The following NCLN variants were observed in gnomAD, a reference collection of about 807,000 sequenced individuals.
NCLN encodes the protein nicalin.
Under a neutral mutation model 69.5 loss-of-function variants are expected in NCLN, and 34 were observed. The observed-to-expected ratio is 0.49, with a 90% CI of 0.37 to 0.65. NCLN has a LOEUF of 0.65. Among genes scored for constraint, NCLN ranks in the 30% least tolerant of loss-of-function variants. NCLN has a pLI of 0.00. For missense variants in NCLN, 710 were observed against 804.8 expected (o/e 0.88, Z 1.42); for synonymous variants, 393 against 358.3 (o/e 1.10, Z -1.09).
At chr19:3,195,208 C>T (rs1450629089) in intron 3 of NCLN, among the ~76,000 whole-genome samples, 2 of 151,610 alleles carry the variant, frequency 1.3e-5, no homozygotes, top group Non-Finnish European at 2.9e-5. Context: ...ACAGAGAGTT[C>T]CCAGGAGCAT....
chr19:3,190,824 G>A (rs899127802), intron 1 of NCLN, among the ~76,000 whole-genome samples: 1 of 152,136 alleles, frequency 6.6e-6, no homozygotes, highest in African/African-American at 2.4e-5. Context: ...CTTGTGCAGC[G>A]CTGAGATGTT....
intron 1 of NCLN, among the ~76,000 whole-genome samples, chr19:3,188,597 A>G: frequency 6.6e-6 from 1 of 151,880 alleles, no homozygotes; most frequent in Non-Finnish European, 1.5e-5. Context: ...CTTTGCCCAC[A>G]ATCCTGGGTT....
intron 12 of NCLN, 77 bp downstream of exon 12, chr19:3,206,502 C>G: frequency 7.5e-6 from 11 of 1,469,782 alleles, no homozygotes; most frequent in Non-Finnish European, 1.0e-5. Context: ...CTCCCACCCC[C>G]TCACCCCTGG....
At chr19:3,199,838 C>T (rs1916078058) in intron 5 of NCLN, among the ~76,000 whole-genome samples, 1 of 151,718 alleles carries the variant, frequency 6.6e-6, no homozygotes, top group Admixed American at 6.6e-5. Context: ...GTAGCTGGGA[C>T]CACAGGCACC....
chr19:3,186,228 GC>G lies in NCLN; in HGVS notation c.184+17del. ...GCCAGCCCTACGGTGCGTGTCCCCG[GC>G]CCACCCTCGGGGCTCCCCGGGCTCC... On this transcript the variant is annotated intron_variant, in intron 1 of 14. Transcript: ENST00000246117. 6.7e-7 allele frequency: 1 copy of G among 1,487,472 alleles called. No homozygotes were observed. The highest frequency in any genetic ancestry group is 8.9e-7 in the Non-Finnish European group (1 of 1,120,098). The allele number at this position is 1,487,472 out of a possible 1,614,324, so 92.1% of individuals were successfully genotyped here. A position where few individuals can be genotyped will look rare whatever the true frequency, so the allele number is the denominator to read the frequency against.
At chr19:3,207,062 G>A (rs540265916) in intron 12 of NCLN, 136 bp from the exon 13 acceptor site, 1 of 970,190 alleles carries the variant, frequency 1.0e-6, no homozygotes, top group South Asian at 1.3e-5. Context: ...GACTTCAAGT[G>A]ATCCGCCTGC....
At chr19:3,199,396 AG>A (rs1477110029) in intron 5 of NCLN, among the ~76,000 whole-genome samples, 6 of 152,254 alleles carry the variant, frequency 3.9e-5, no homozygotes, top group African/African-American at 1.4e-4. Context: ...GTCACCAGCG[AG>A]ACTTCCAGAG....
rs1916131235 is a variant in NCLN at position 3,201,695 on chromosome 19, G to GCGCCTCTGCC, written c.800+70_800+71insGCCTCTGCCC. 2.3e-6 allele frequency: 3 copies of GCGCCTCTGCC among 1,281,046 alleles called. No individual in the cohort carries two copies. The African/African-American group carries it at 4.5e-5, about 19-fold the overall frequency. 79.4% of individuals were successfully genotyped at this position (1,281,046 alleles called of 1,614,324 possible). A position where few individuals can be genotyped will look rare whatever the true frequency, so the allele number is the denominator to read the frequency against. On this transcript the variant is annotated intron_variant, in intron 6 of 14. Transcript: ENST00000246117. ...ACTGCCGGACAGCGCTGCCCACCAG[G>GCGCCTCTGCC]CACCTCTGCAGATGTTTCTCTGGAG...
At chr19:3,207,046 A>G in intron 12 of NCLN, 152 bp from the exon 13 acceptor site, 1 of 870,854 alleles carries the variant, frequency 1.1e-6, no homozygotes, top group South Asian at 1.4e-5. Context: ...TTGGTCTTGA[A>G]CTCTTGACTT....
Position 3,207,927 on chromosome 19 carries a change from C to T in NCLN, c.*239C>T. The T allele has an allele frequency of 1.9e-6, 1 of 534,084 alleles. No individual in the cohort carries two copies. The highest frequency in any genetic ancestry group is 3.3e-6 in the Non-Finnish European group (1 of 298,722). The allele number at this position is 534,084 out of a possible 1,614,324, so 33.1% of individuals were successfully genotyped here. On this transcript the variant is annotated 3_prime_UTR_variant, in exon 15 of 15. Coordinates refer to ENST00000246117, the MANE Select transcript of NCLN (RefSeq NM_020170.4). ...CTTGGAGGAGAGCTTGGGAGACGTC[C>T]CGGGGCCAGGCTACGGACTTGCGGA... is the stretch of plus-strand genomic sequence containing the variant.
Position 3,201,512 on chromosome 19 carries a change from C to A in NCLN, c.697-11C>A. 1.3e-6 allele frequency: 2 copies of A among 1,543,792 alleles called. No homozygotes were observed. The highest frequency in any genetic ancestry group is 2.4e-5 in the East Asian group (1 of 41,944). On this transcript the variant is annotated splice_polypyrimidine_tract_variant and intron_variant, in intron 5 of 14. Coordinates refer to ENST00000246117, the MANE Select transcript of NCLN (RefSeq NM_020170.4). ...GGGGTGACTGTGGCCTTGCCTCTCCCGTCCCTGTAGTGGCTGTCGCTGGGC... is the reference window on the plus strand; with the variant it reads ...GGGGTGACTGTGGCCTTGCCTCTCCAGTCCCTGTAGTGGCTGTCGCTGGGC...
chr19:3,204,494 G>A, intron 8 of NCLN, 79 bp from the exon 9 acceptor site: 1 of 1,403,552 alleles, frequency 7.1e-7, no homozygotes, highest in Admixed American at 2.6e-5. Flanking sequence ...GTTCTGGGAG[G>A]CCCCTGGAGC....
intron 4 of NCLN, among the ~76,000 whole-genome samples, chr19:3,197,763 G>T (rs923457184): frequency 1.3e-5 from 2 of 152,146 alleles, no homozygotes; most frequent in East Asian, 3.9e-4. Flanking sequence ...TGGGATTACA[G>T]GTGCCCGCCA....
Position 3,186,251 on chromosome 19 carries a change from C to G in NCLN, c.184+37C>G. 4 of 1,430,340 alleles carry G rather than the reference C, an allele frequency of 2.8e-6. 1 individual carries two copies. Among genetic ancestry groups the G allele is most frequent in the Non-Finnish European group, 1.8e-6 (2 of 1,094,408 alleles). The allele number at this position is 1,430,340 out of a possible 1,614,324, so 88.6% of individuals were successfully genotyped here. On this transcript the variant is annotated intron_variant, in intron 1 of 14. Coordinates refer to ENST00000246117, the MANE Select transcript of NCLN (RefSeq NM_020170.4). ...CGGCCCACCCTCGGGGCTCCCCGGG[C>G]TCCCCGGCCACGCCACTCCGGCCCG...
At chr19:3,186,438 C>T (rs1433102276) in intron 1 of NCLN, among the ~76,000 whole-genome samples, 4 of 152,172 alleles carry the variant, frequency 2.6e-5, no homozygotes, top group Admixed American at 2.6e-4. Context: ...CCACAGCCCC[C>T]GGCCCCTGCC....
Position 3,207,216 on chromosome 19 carries a change from C to G in NCLN, c.1518C>G (p.Phe506Leu). The G allele has an allele frequency of 6.2e-7, 1 of 1,613,812 alleles. No individual in the cohort carries two copies. ...KADKRDPEFV[F>L]YDQLKQVMNA... ...TCCCCAGGGACCCAGAGTTTGTCTT[C>G]TACGACCAGCTGAAGCAAGTGATGA... The change falls in exon 13 of 15, where the codon TTC becomes TTG. Residue 506 changes from phenylalanine to leucine, a missense_variant. Phe to Leu is a conservative substitution (Grantham distance 22). Coordinates refer to ENST00000246117, the MANE Select transcript of NCLN (RefSeq NM_020170.4).
In NCLN at chr19:3,207,441, A is replaced by G. The variant is rs1254923179; in HGVS notation, c.1604A>G (p.Tyr535Cys). 4 of 1,612,872 alleles carry G rather than the reference A, an allele frequency of 2.5e-6. No individual in the cohort carries two copies. The Admixed American group carries it at 6.7e-5, about 27-fold the overall frequency. Residue 535 changes from tyrosine to cysteine, a missense_variant, in exon 14 of 15, where the codon TAC becomes TGC. Physicochemically the swap from Tyr to Cys is radical, Grantham distance 194. Transcript: ENST00000246117. ...CTCCTGGCTGTTGGCATTGCTGCCTACCTCGGCATGGCCTACGTGGCTGTC... is the reference window on the plus strand; with the variant it reads ...CTCCTGGCTGTTGGCATTGCTGCCTGCCTCGGCATGGCCTACGTGGCTGTC... ...DLLLAVGIAA[Y>C]LGMAYVAVQH...
intron 1 of NCLN, among the ~76,000 whole-genome samples, chr19:3,188,182 G>A (rs1309589717): frequency 2.0e-5 from 3 of 151,988 alleles, no homozygotes; most frequent in Non-Finnish European, 4.4e-5. Context: ...CAGCTCACCC[G>A]GCCTCCCTCC....
chr19:3,207,386 C>T lies in NCLN; in HGVS notation c.1554-5C>T, dbSNP rs754704194. 3 of 1,613,098 alleles carry T rather than the reference C, an allele frequency of 1.9e-6. No homozygotes were observed. Among genetic ancestry groups the T allele is most frequent in the South Asian group, 1.1e-5 (1 of 91,092 alleles). ...TCGACCTCAGGGACCCTGCTTTCTC[C>T]ACAGAGTCAAGCCGGCCGTCTTTGA... is the stretch of plus-strand genomic sequence containing the variant. On this transcript the variant is annotated splice_region_variant and splice_polypyrimidine_tract_variant and intron_variant, in intron 13 of 14. Transcript: ENST00000246117.
Sources: allele counts gnomAD v4.1 joint callset (sites outside exome capture counted in the v4.1 genomes callset), GRCh38; gene constraint gnomAD v4.1.1; transcripts MANE v1.5; gene names NCBI Gene and HGNC (gene_info 2026-07-23, HGNC 2026-07-21).